The following SGMS1 variants were observed in gnomAD, a reference collection of about 807,000 sequenced individuals.
SGMS1 encodes phosphatidylcholine:ceramide cholinephosphotransferase 1.
Under a neutral mutation model 46.2 loss-of-function variants are expected in SGMS1, and 13 were observed. The ratio of observed to expected loss-of-function variants is 0.28; its 90% CI spans 0.18 to 0.45. The LOEUF is 0.45. Among genes scored for constraint, SGMS1 ranks in the 20% least tolerant of loss-of-function variants. The pLI, the probability that SGMS1 is intolerant of heterozygous loss-of-function variation, is 1.00. For missense variants in SGMS1, 324 were observed against 519.9 expected (o/e 0.62, Z 3.66); for synonymous variants, 203 against 187.8 (o/e 1.08, Z -0.66).
chr10:50,353,276 G>A (rs1382527597), intron 6 of SGMS1, among the ~76,000 whole-genome samples: 1 of 152,284 alleles, frequency 6.6e-6, no homozygotes, highest in Admixed American at 6.5e-5. Flanking sequence ...ATGCAAGGCT[G>A]GTTCAACATA....
chr10:50,604,996 G>A (rs4935736), intron 1 of SGMS1, among the ~76,000 whole-genome samples: 100,205 of 152,148 alleles, frequency 0.66, 33,423 homozygotes, highest in Middle Eastern at 0.68. Context: ...CCACCAGTTA[G>A]TCACATTTGA....
chr10:50,398,198 C>T (rs1227438536), intron 6 of SGMS1, among the ~76,000 whole-genome samples: 1 of 152,050 alleles, frequency 6.6e-6, no homozygotes, highest in Non-Finnish European at 1.5e-5. Context: ...TAATTATTCA[C>T]GTGCAATGAC....
Position 50,307,957 on chromosome 10 carries a change from T to TA in SGMS1, c.1062+24dup. 6.2e-7 allele frequency: 1 copy of TA among 1,612,562 alleles called. No homozygotes were observed. Among genetic ancestry groups the TA allele is most frequent in the Non-Finnish European group, 8.5e-7 (1 of 1,179,670 alleles). On this transcript the variant is annotated intron_variant, in intron 10 of 10. Transcript: ENST00000361781. The surrounding 1 kb of genome is among the most constrained non-coding windows in gnomAD (Gnocchi z 4.2). The stretch of plus-strand genomic sequence containing the variant: ...ACATCAAGCCAGAAACAACAGAAGC[T>TA]AAAATCAAAAGCGGGGAAACTCACT...
chr10:50,542,595 A>G (rs1344767191), intron 2 of SGMS1, among the ~76,000 whole-genome samples: 1 of 151,488 alleles, frequency 6.6e-6, no homozygotes, highest in Admixed American at 6.6e-5. Flanking sequence ...TACCATAAAG[A>G]AAAGTGTATA....
chr10:50,587,631 ATATGTGTGTGTGTGTGTG>A (rs1838498047), intron 2 of SGMS1, among the ~76,000 whole-genome samples: 1 of 118,658 alleles, frequency 8.4e-6, no homozygotes, highest in African/African-American at 3.4e-5. Context: ...CTCAAAATAT[ATATGTGTGTGTGTGTGTG>A]TGTGTGTGTG....
chr10:50,521,798 G>A (rs1837859059), intron 2 of SGMS1, among the ~76,000 whole-genome samples: 1 of 152,036 alleles, frequency 6.6e-6, no homozygotes, highest in African/African-American at 2.4e-5. Context: ...TTTCTTCTCT[G>A]GATATCACAT....
intron 6 of SGMS1, among the ~76,000 whole-genome samples, chr10:50,361,378 C>G (rs956364166): frequency 6.6e-6 from 1 of 152,060 alleles, no homozygotes; most frequent in Non-Finnish European, 1.5e-5. Flanking sequence ...AAAAGGCTGC[C>G]CGAGGAAGTC....
intron 5 of SGMS1, among the ~76,000 whole-genome samples, chr10:50,441,132 T>C (rs34155132): frequency 0.023 from 3,498 of 152,348 alleles, 57 homozygotes; most frequent in Middle Eastern, 0.037. Context: ...CTCAGTTTCA[T>C]GCTTTCATTT....
chr10:50,576,594 G>A (rs1044038901), intron 2 of SGMS1, among the ~76,000 whole-genome samples: 3 of 152,206 alleles, frequency 2.0e-5, no homozygotes, highest in Non-Finnish European at 2.9e-5. Context: ...AGCTGGGCAC[G>A]TGAATTCTCA....
chr10:50,505,836 G>T (rs1353131265), intron 3 of SGMS1, among the ~76,000 whole-genome samples: 2 of 152,110 alleles, frequency 1.3e-5, no homozygotes, highest in Admixed American at 1.3e-4. Context: ...GAGGAATGGG[G>T]AGCAAAGCAC....
At chr10:50,387,395 G>A (rs1421540289) in intron 6 of SGMS1, among the ~76,000 whole-genome samples, 1 of 152,084 alleles carries the variant, frequency 6.6e-6, no homozygotes, top group African/African-American at 2.4e-5. Flanking sequence ...AAAAATCAAA[G>A]ATCCGATTTA....
upstream of SGMS1, chr10:50,624,617 C>T (rs1359578530): frequency 1.0e-6 from 1 of 985,332 alleles, no homozygotes; most frequent in African/African-American, 1.7e-5. Flanking sequence ...CCTTCCGCCG[C>T]CCCTCCGAGC....
intron 7 of SGMS1, among the ~76,000 whole-genome samples, chr10:50,338,161 G>A (rs1327747793): frequency 6.6e-6 from 1 of 152,118 alleles, no homozygotes; most frequent in East Asian, 1.9e-4. Context: ...CACCCACTAA[G>A]TGACCATTTC....
chr10:50,575,279 C>T (rs1039978741), intron 2 of SGMS1, among the ~76,000 whole-genome samples: 4 of 152,242 alleles, frequency 2.6e-5, no homozygotes, highest in African/African-American at 9.6e-5. Flanking sequence ...CTGGGCCAGG[C>T]ACAGTGGCTC....
At chr10:50,619,070 CTG>C (rs1444981819) in intron 1 of SGMS1, among the ~76,000 whole-genome samples, 4 of 151,918 alleles carry the variant, frequency 2.6e-5, no homozygotes, top group African/African-American at 9.7e-5. Flanking sequence ...GAGGCAGAGG[CTG>C]CAGTGAGCCA....
intron 2 of SGMS1, among the ~76,000 whole-genome samples, chr10:50,534,813 T>C (rs1837985364): frequency 6.6e-6 from 1 of 152,202 alleles, no homozygotes; most frequent in Admixed American, 6.5e-5. Flanking sequence ...CCAAATAGGT[T>C]AACAAAATGA....
At chr10:50,332,611 C>CTTTTTTTTTTT (rs150975310) in intron 7 of SGMS1, among the ~76,000 whole-genome samples, 3 of 72,710 alleles carry the variant, frequency 4.1e-5, no homozygotes, top group African/African-American at 5.8e-5. Flanking sequence ...TTTTTTAAGT[C>CTTTTTTTTTTT]TTTTTTTTTT....
At chr10:50,358,002 G>A (rs1848181673) in intron 6 of SGMS1, among the ~76,000 whole-genome samples, 1 of 152,128 alleles carries the variant, frequency 6.6e-6, no homozygotes, top group African/African-American at 2.4e-5. Context: ...AAAAGCACCT[G>A]GACATGGTGG....
At chr10:50,409,580 T>A (rs1849068983) in intron 6 of SGMS1, among the ~76,000 whole-genome samples, 1 of 152,238 alleles carries the variant, frequency 6.6e-6, no homozygotes, top group Non-Finnish European at 1.5e-5. Flanking sequence ...TACAAACATT[T>A]AATTTCATAT....
Sources: gnomAD v4.1 joint callset for allele counts (sites outside exome capture counted in the v4.1 genomes callset) on GRCh38, gnomAD v4.1.1 for gene constraint, Gnocchi (gnomAD v3.1) non-coding constraint, MANE v1.5 for transcripts, NCBI Gene and HGNC (gene_info 2026-07-23, HGNC 2026-07-21) for gene names.